HS6ST2: variants seen among roughly 807,000 people sequenced by gnomAD.
The protein encoded by HS6ST2 is heparan-sulfate 6-O-sulfotransferase 2.
HS6ST2 carries 17 observed loss-of-function variants against 33.0 expected under a neutral mutation model. The ratio of observed to expected loss-of-function variants is 0.52; its 90% CI spans 0.35 to 0.77. HS6ST2 has a LOEUF of 0.77. Among genes scored for constraint, HS6ST2 ranks in the 30% least tolerant of loss-of-function variants. The pLI is 0.01. For missense variants in HS6ST2, 519 were observed against 551.7 expected (o/e 0.94, Z 0.59); for synonymous variants, 248 against 237.1 (o/e 1.05, Z -0.42).
At chrX:132,913,908 G>T (rs2066558991) in intron 2 of HS6ST2, among the ~76,000 whole-genome samples, 4 of 111,704 alleles carry the variant, frequency 3.6e-5, no homozygotes, top group African/African-American at 1.3e-4. Flanking sequence ...TAAAGGGCCT[G>T]TTCCACCAAA....
chrX:132,842,182 A>G (rs1027402868), intron 2 of HS6ST2, among the ~76,000 whole-genome samples: 8 of 111,567 alleles, frequency 7.2e-5, no homozygotes, highest in African/African-American at 2.6e-4. Flanking sequence ...GTGGGCTTTG[A>G]GTCCATTCCA....
chrX:132,763,942 A>C (rs774159799), intron 2 of HS6ST2, among the ~76,000 whole-genome samples: 1 of 112,852 alleles, frequency 8.9e-6, no homozygotes, highest in Non-Finnish European at 1.9e-5. Context: ...GTTGGTGTGA[A>C]GCATAAGCTG....
intron 3 of HS6ST2, among the ~76,000 whole-genome samples, chrX:132,684,762 C>T: frequency 8.9e-6 from 1 of 111,885 alleles, no homozygotes; most frequent in African/African-American, 3.2e-5. Flanking sequence ...TAGCCAAAGG[C>T]TGCAAAGAAG....
At chrX:132,881,326 G>A (rs2066170251) in intron 2 of HS6ST2, among the ~76,000 whole-genome samples, 1 of 111,072 alleles carries the variant, frequency 9.0e-6, no homozygotes, top group African/African-American at 3.3e-5. Context: ...ATTCTAACTG[G>A]TGTGAGATGG....
chrX:132,807,909 T>C (rs1436034782), intron 2 of HS6ST2, among the ~76,000 whole-genome samples: 1 of 111,754 alleles, frequency 8.9e-6, no homozygotes, highest in Non-Finnish European at 1.9e-5. Context: ...GCAGCAGTGG[T>C]TGGCCATTAG....
At chrX:132,915,595 GATA>G (rs1275139260) in intron 2 of HS6ST2, among the ~76,000 whole-genome samples, 2 of 111,225 alleles carry the variant, frequency 1.8e-5, no homozygotes, top group South Asian at 7.8e-4. Flanking sequence ...TAATAATGAT[GATA>G]ATAATGATGA....
chrX:132,855,557 C>G (rs1180338584), intron 2 of HS6ST2, among the ~76,000 whole-genome samples: 1 of 111,863 alleles, frequency 8.9e-6, no homozygotes, highest in Non-Finnish European at 1.9e-5. Flanking sequence ...ATTGCTATAT[C>G]AACACAAAAT....
At chrX:132,867,229 T>C (rs1258994612) in intron 2 of HS6ST2, among the ~76,000 whole-genome samples, 2 of 107,304 alleles carry the variant, frequency 1.9e-5, no homozygotes, top group Non-Finnish European at 3.9e-5. Flanking sequence ...CTGCATCTAT[T>C]GAGATAATCA....
At chrX:132,842,076 A>G (rs1018688569) in intron 2 of HS6ST2, among the ~76,000 whole-genome samples, 7 of 112,185 alleles carry the variant, frequency 6.2e-5, no homozygotes, top group African/African-American at 2.3e-4. Context: ...TTTTGCCTAC[A>G]TAACAGGAGG....
chrX:132,788,688 T>A (rs1045153452), intron 2 of HS6ST2, among the ~76,000 whole-genome samples: 1 of 112,712 alleles, frequency 8.9e-6, no homozygotes, highest in Non-Finnish European at 1.9e-5. Flanking sequence ...GTTTGTCAAG[T>A]TGTGATTGAT....
At chrX:132,803,654 C>T (rs1462262940) in intron 2 of HS6ST2, among the ~76,000 whole-genome samples, 1 of 111,673 alleles carries the variant, frequency 9.0e-6, no homozygotes, top group Non-Finnish European at 1.9e-5. Context: ...AGTGATCCAC[C>T]CACCTCGGCC....
At chrX:132,761,388 T>C (rs2064804055) in intron 2 of HS6ST2, among the ~76,000 whole-genome samples, 1 of 110,753 alleles carries the variant, frequency 9.0e-6, no homozygotes. Context: ...AGACTGCCAA[T>C]GGGATCCCAC....
At chrX:132,653,239 G>C (rs752160866) in intron 4 of HS6ST2, among the ~76,000 whole-genome samples, 62 of 111,834 alleles carry the variant, frequency 5.5e-4, no homozygotes, top group African/African-American at 1.8e-3. Flanking sequence ...TTCACCGAAA[G>C]AGATTTGCTT....
In HS6ST2 at chrX:132,628,840, CTACCAGGGTCAGGTCGGAGAGCA is replaced by C; in HGVS notation, c.1298_1320del (p.Met433ArgfsTer10). ...GGCATGACAGAGAGGTTGTAGCAGCCTACCAGGGTCAGGTCGGAGAGCATGCGCACCTGGCGGTTGTTGGCTAG... is the reference window on the plus strand; with the variant it reads ...GGCATGACAGAGAGGTTGTAGCAGCCTGCGCACCTGGCGGTTGTTGGCTAG... On this transcript the variant is annotated frameshift_variant, in exon 5 of 5. Transcript: ENST00000370833. LOFTEE classifies it high-confidence loss of function. The C allele has an allele frequency of 8.3e-7, 1 of 1,211,824 alleles. No individual in the cohort carries two copies. Among genetic ancestry groups the C allele is most frequent in the Non-Finnish European group, 1.1e-6 (1 of 895,491 alleles).
At chrX:132,638,015 GA>G (rs1487537808) in intron 4 of HS6ST2, among the ~76,000 whole-genome samples, 1 of 89,219 alleles carries the variant, frequency 1.1e-5, no homozygotes, top group Non-Finnish European at 2.1e-5. Flanking sequence ...TGTTCTTGGA[GA>G]AACAATGAGT....
chrX:132,801,927 A>C (rs943006157), intron 2 of HS6ST2, among the ~76,000 whole-genome samples: 10 of 111,988 alleles, frequency 8.9e-5, no homozygotes, highest in African/African-American at 1.3e-4. Context: ...CTAACAGATA[A>C]ATACAGGATG....
chrX:132,881,114 C>A lies in HS6ST2; in HGVS notation c.947+75694G>T, dbSNP rs1414040681. ...ATGTGCATGTGTCTTTATAGCAGCACGATTTATAATCCTTTGGGTATATAC... is the reference window on the plus strand; with the variant it reads ...ATGTGCATGTGTCTTTATAGCAGCAAGATTTATAATCCTTTGGGTATATAC... On this transcript the variant is annotated intron_variant, in intron 2 of 4. Transcript: ENST00000370833. Among the ~76,000 whole-genome samples, 2 of 110,574 alleles carry A rather than the reference C, an allele frequency of 1.8e-5. 1 individual carries two copies. The highest frequency in any genetic ancestry group is 3.8e-5 in the Non-Finnish European group (2 of 52,864).
At chrX:132,876,539 G>T (rs138193867) in intron 2 of HS6ST2, among the ~76,000 whole-genome samples, 49 of 111,803 alleles carry the variant, frequency 4.4e-4, no homozygotes, top group African/African-American at 1.6e-3. Context: ...TTGGTCCCAG[G>T]AAAGATAAAT....
At chrX:132,795,549 C>T (rs768884095) in intron 2 of HS6ST2, among the ~76,000 whole-genome samples, 8 of 111,965 alleles carry the variant, frequency 7.1e-5, no homozygotes, top group African/African-American at 2.6e-4. Flanking sequence ...TTTACATGTA[C>T]TTTTCTTCAC....
Sources: allele counts gnomAD v4.1 joint callset (sites outside exome capture counted in the v4.1 genomes callset), GRCh38; gene constraint gnomAD v4.1.1; transcripts MANE v1.5; gene names NCBI Gene and HGNC (gene_info 2026-07-23, HGNC 2026-07-21).